The following RASSF5 variants were observed in gnomAD, a reference collection of about 807,000 sequenced individuals.
The protein encoded by RASSF5 is Ras association domain family member 5, also known as ras association domain-containing protein 5.
RASSF5 carries 25 observed loss-of-function variants against 40.5 expected under a neutral mutation model. That is an observed-to-expected ratio of 0.62 (90% CI 0.45 to 0.86). The LOEUF (loss-of-function observed/expected upper bound fraction) is 0.86, where lower values mean the gene tolerates loss of function less well. RASSF5 is among the 40% of genes least tolerant of loss of function. RASSF5 has a pLI of 0.00. For synonymous variants in RASSF5, 246 were observed against 252.4 expected (o/e 0.97, Z 0.24); for missense variants, 521 against 572.8 (o/e 0.91, Z 0.92).
Position 206,507,762 on chromosome 1 carries a change from C to T in RASSF5, c.160C>T (p.Pro54Ser), listed in dbSNP as rs782334742. 7 of 1,413,588 alleles carry T rather than the reference C, an allele frequency of 5.0e-6. No individual in the cohort carries two copies. The Admixed American group carries it at 1.4e-4, about 28-fold the overall frequency. The allele number at this position is 1,413,588 out of a possible 1,614,324, so 87.6% of individuals were successfully genotyped here. A position where few individuals can be genotyped will look rare whatever the true frequency, so the allele number is the denominator to read the frequency against. ...LCVPAPLSTA[P>S]GAREGRSARR... Reference sequence around the variant, plus strand: ...TGTCCCGGCGCCCCTCTCCACTGCGCCCGGGGCGCGCGAGGGGCGCAGCGC... The same window carrying T: ...TGTCCCGGCGCCCCTCTCCACTGCGTCCGGGGCGCGCGAGGGGCGCAGCGC... The change falls in exon 1 of 6, where the codon CCC becomes TCC. Residue 54 changes from proline to serine, a missense_variant. Transcript: ENST00000579436.
chr1:206,557,809 GC>G, intron 2 of RASSF5: 2 of 1,202,982 alleles, frequency 1.7e-6, no homozygotes, highest in Non-Finnish European at 2.4e-6. Flanking sequence ...CAGGAAAGTG[GC>G]CAGGCAGTTG....
chr1:206,546,089 ATTTTTTTTTTTTTTTTTTT>A lies in RASSF5; in HGVS notation c.579+7815_579+7833del, dbSNP rs10603701. 5.0e-3 allele frequency among the ~76,000 whole-genome samples: 241 copies of A among 48,230 alleles called. 1 individual carries two copies. Among genetic ancestry groups the A allele is most frequent in the African/African-American group, 0.015 (181 of 12,342 alleles). 31.6% of individuals were successfully genotyped at this position (48,230 alleles called of 152,430 possible). A position where few individuals can be genotyped will look rare whatever the true frequency, so the allele number is the denominator to read the frequency against. ...TTTTTCTTTTCTTTCTTCTTTTTCT[ATTTTTTTTTTTTTTTTTTT>A]TTTTTTTTTTTTTTTTTTGGGACAG... On this transcript the variant is annotated intron_variant, in intron 2 of 5. Coordinates refer to ENST00000579436, the MANE Select transcript of RASSF5 (RefSeq NM_182663.4).
chr1:206,538,039 C>G (rs1667462266), intron 1 of RASSF5, 133 bp from the exon 2 acceptor site: 1 of 1,288,900 alleles, frequency 7.8e-7, no homozygotes, highest in Non-Finnish European at 1.1e-6. Flanking sequence ...CACGCTGTCT[C>G]CCGCCCCACC....
rs141271983 is a variant in RASSF5, at chr1:206,568,780, G to T, written c.580-14489G>T. Among the ~76,000 whole-genome samples the T allele has an allele frequency of 7.9e-5, 12 of 152,290 alleles. No individual in the cohort carries two copies. The East Asian group carries it at 2.3e-3, about 29-fold the overall frequency. On this transcript the variant is annotated intron_variant, in intron 2 of 5. Transcript: ENST00000579436. Reference sequence around the variant, plus strand: ...TCACTCTTTGGCTCTCAGAGCATCTGGAACTCTACATAAAGCTGAGGAACC... The same window carrying T: ...TCACTCTTTGGCTCTCAGAGCATCTTGAACTCTACATAAAGCTGAGGAACC...
At position 206,552,931 on chromosome 1, in the gene RASSF5, C is replaced by A. The variant is rs782226008; in HGVS notation, c.579+14638C>A. On this transcript the variant is annotated intron_variant, in intron 2 of 5. Coordinates refer to ENST00000579436, the MANE Select transcript of RASSF5 (RefSeq NM_182663.4). This position sits in a 1 kb window ranked among gnomAD's most constrained non-coding sequence, Gnocchi z 4.1. Reference sequence around the variant, plus strand: ...AGAAAGTGCTCAGTAAGGCTGGGCGCGGTGGCTCACACCTGTAATCCCAGC... The same window carrying A: ...AGAAAGTGCTCAGTAAGGCTGGGCGAGGTGGCTCACACCTGTAATCCCAGC... Among the ~76,000 whole-genome samples, 9 of 152,106 alleles carry A rather than the reference C, an allele frequency of 5.9e-5. No homozygotes were observed. The highest frequency in any genetic ancestry group is 8.8e-5 in the Non-Finnish European group (6 of 68,024).
chr1:206,569,268 C>G (rs1668373622), intron 2 of RASSF5, among the ~76,000 whole-genome samples: 1 of 152,224 alleles, frequency 6.6e-6, no homozygotes, highest in African/African-American at 2.4e-5. Context: ...TACAGAAAGA[C>G]TGTGGGCTCA....
At chr1:206,550,753 C>T (rs1379899035) in intron 2 of RASSF5, among the ~76,000 whole-genome samples, 5 of 152,168 alleles carry the variant, frequency 3.3e-5, no homozygotes, top group Non-Finnish European at 5.9e-5. Context: ...GCCTTCAGCC[C>T]AGCAGGCTGC....
chr1:206,507,710 G>GC lies in RASSF5; in HGVS notation c.114dup (p.Asp39ArgfsTer100). Reference sequence around the variant, plus strand: ...TGAGCGGCCCCGAGCTACCGCCGCCGCCCCCCGACCGGTCCTCGCGCCTCT... The same window carrying GC: ...TGAGCGGCCCCGAGCTACCGCCGCCGCCCCCCCGACCGGTCCTCGCGCCTCT... On this transcript the variant is annotated frameshift_variant, in exon 1 of 6. Coordinates refer to ENST00000579436, the MANE Select transcript of RASSF5 (RefSeq NM_182663.4). LOFTEE classifies it high-confidence loss of function. 7.4e-6 allele frequency: 11 copies of GC among 1,487,574 alleles called. No individual in the cohort carries two copies. Among genetic ancestry groups the GC allele is most frequent in the Admixed American group, 2.3e-5 (1 of 43,306 alleles). The allele number at this position is 1,487,574 out of a possible 1,614,324, so 92.1% of individuals were successfully genotyped here.
chr1:206,583,212 C>A, intron 2 of RASSF5, 57 bp from the exon 3 acceptor site: 2 of 1,178,324 alleles, frequency 1.7e-6, no homozygotes, highest in South Asian at 1.2e-5. Flanking sequence ...CGTGGTTGTT[C>A]CCTTTCTCAC....
chr1:206,535,530 G>A lies in RASSF5; in HGVS notation c.458-2642G>A, dbSNP rs1418202232. 6.6e-6 allele frequency among the ~76,000 whole-genome samples: 1 copy of A among 152,198 alleles called. No individual in the cohort carries two copies. Among genetic ancestry groups the A allele is most frequent in the African/African-American group, 2.4e-5 (1 of 41,442 alleles). On this transcript the variant is annotated intron_variant, in intron 1 of 5. Transcript: ENST00000579436. The surrounding 1 kb of genome is among the most constrained non-coding windows in gnomAD (Gnocchi z 5.0). ...CATTTCCAGGACGAGGAAGTATGAA[G>A]ATGTGCTTCAGAGGTTTTGCTGCAG...
intron 2 of RASSF5, among the ~76,000 whole-genome samples, chr1:206,571,768 G>A (rs868964775): frequency 4.6e-5 from 7 of 152,232 alleles, no homozygotes; most frequent in African/African-American, 1.7e-4. Flanking sequence ...GAAGGGCTCA[G>A]GGAGACTGAA....
In RASSF5 at chr1:206,560,350, G is replaced by A. The variant is rs1553402408; in HGVS notation, c.579+22057G>A. ...GGAGTTCCCAAGACTCCTCTCCAAT[G>A]CCCTTTGGGAAGAGGTCGGAGGGGT... On this transcript the variant is annotated intron_variant, in intron 2 of 5. Coordinates refer to ENST00000579436, the MANE Select transcript of RASSF5 (RefSeq NM_182663.4). The surrounding 1 kb of genome is among the most constrained non-coding windows in gnomAD (Gnocchi z 5.1). Among the ~76,000 whole-genome samples, 1 of 152,196 alleles carries A rather than the reference G, an allele frequency of 6.6e-6. No homozygotes were observed. The highest frequency in any genetic ancestry group is 1.5e-5 in the Non-Finnish European group (1 of 68,028).
At chr1:206,586,496 T>C in intron 5 of RASSF5, 1 of 241,288 alleles carries the variant, frequency 4.1e-6, no homozygotes, top group Non-Finnish European at 8.1e-6. Context: ...TTTCTGAGGG[T>C]CTGCATGTTG....
intron 5 of RASSF5, chr1:206,586,502 T>G (rs1431159967): frequency 4.0e-6 from 1 of 248,584 alleles, no homozygotes; most frequent in Non-Finnish European, 7.9e-6. Context: ...AGGGTCTGCA[T>G]GTTGGGAGGC....
chr1:206,555,631 C>T (rs983631379), intron 2 of RASSF5, among the ~76,000 whole-genome samples: 1 of 152,202 alleles, frequency 6.6e-6, no homozygotes, highest in Non-Finnish European at 1.5e-5. Flanking sequence ...ACCCCAGCCC[C>T]GGGTGCTGAC....
intron 1 of RASSF5, among the ~76,000 whole-genome samples, chr1:206,516,764 A>G (rs1202512822): frequency 3.9e-5 from 6 of 152,106 alleles, no homozygotes; most frequent in African/African-American, 7.2e-5. Context: ...GCCGTGACTC[A>G]TATTTTAAAG....
At chr1:206,526,015 G>A (rs1553397140) in intron 1 of RASSF5, among the ~76,000 whole-genome samples, 2 of 152,066 alleles carry the variant, frequency 1.3e-5, no homozygotes, top group African/African-American at 4.8e-5. Context: ...ACCGGCCTTG[G>A]AGGAACCTGC....
chr1:206,510,998 C>T (rs1235462409), intron 1 of RASSF5, among the ~76,000 whole-genome samples: 1 of 152,218 alleles, frequency 6.6e-6, no homozygotes, highest in Non-Finnish European at 1.5e-5. Context: ...TTGGAAAACA[C>T]TCTTCCCACT....
intron 2 of RASSF5, among the ~76,000 whole-genome samples, chr1:206,555,632 G>C (rs554284315): frequency 1.3e-5 from 2 of 152,178 alleles, no homozygotes; most frequent in Non-Finnish European, 2.9e-5. Context: ...CCCCAGCCCC[G>C]GGTGCTGACC....
Sources: allele counts gnomAD v4.1 joint callset (sites outside exome capture counted in the v4.1 genomes callset), GRCh38; gene constraint gnomAD v4.1.1; non-coding constraint Gnocchi (gnomAD v3.1); transcripts MANE v1.5; gene names NCBI Gene and HGNC (gene_info 2026-07-23, HGNC 2026-07-21).